SPA17: variants seen among roughly 807,000 people sequenced by gnomAD.
SPA17 encodes sperm autoantigenic protein 17.
A neutral mutation model predicts 13.8 loss-of-function variants in SPA17; 7 were observed. The observed-to-expected ratio is 0.51, with a 90% CI of 0.29 to 0.95. The LOEUF (loss-of-function observed/expected upper bound fraction) is 0.95. Ranked by LOEUF, SPA17 falls within the 40% of genes least tolerant of loss-of-function variation. SPA17 has a pLI of 0.08. For missense variants in SPA17, 170 were observed against 179.3 expected (o/e 0.95, Z 0.30); for synonymous variants, 61 against 59.0 (o/e 1.03, Z -0.16).
intron 3 of SPA17, among the ~76,000 whole-genome samples, chr11:124,689,167 A>G (rs2134417186): frequency 6.6e-6 from 1 of 152,336 alleles, no homozygotes; most frequent in Non-Finnish European, 1.5e-5. Context: ...TCAACCCATC[A>G]TGGATTAAAG....
At chr11:124,691,603 TTAAAG>T (rs1943623680) in intron 3 of SPA17, 88 bp from the exon 4 acceptor site, 6 of 600,144 alleles carry the variant, frequency 1.0e-5, no homozygotes, top group Non-Finnish European at 1.6e-5. Context: ...TCTCAGTAAT[TTAAAG>T]TAATGTTTCA....
At chr11:124,681,246 C>T (rs147388374) in intron 2 of SPA17, 143 bp from the exon 3 acceptor site, 11,494 of 440,642 alleles carry the variant, frequency 0.026, 221 homozygotes, top group Non-Finnish European at 0.034. Flanking sequence ...TGCAGTGCTA[C>T]GCTATGCACA....
Position 124,681,496 on chromosome 11 carries a change from TTCTC to T in SPA17, c.225+41_225+44del, listed in dbSNP as rs563490329. On this transcript the variant is annotated intron_variant, in intron 3 of 4. Transcript: ENST00000227135. Reference sequence around the variant, plus strand: ...TGAAGCTGTTGGATTTGGCTATTTCTTCTCTCTGTCTACAGCTAGCAATTATTAG... The same window carrying T: ...TGAAGCTGTTGGATTTGGCTATTTCTTCTGTCTACAGCTAGCAATTATTAG... 128 of 1,506,638 alleles carry T rather than the reference TTCTC, an allele frequency of 8.5e-5. 1 individual carries two copies. The African/African-American group carries it at 1.4e-3, about 16-fold the overall frequency. The allele number at this position is 1,506,638 out of a possible 1,614,324, so 93.3% of individuals were successfully genotyped here. A position where few individuals can be genotyped will look rare whatever the true frequency, so the allele number is the denominator to read the frequency against.
At chr11:124,674,174 A>C (rs1218062751) in intron 1 of SPA17, 2 of 168,366 alleles carry the variant, frequency 1.2e-5, no homozygotes, top group African/African-American at 2.5e-5. Flanking sequence ...ACATTGGTTC[A>C]GAATCTCGCC....
At chr11:124,683,763 A>C (rs1939167661) in intron 3 of SPA17, among the ~76,000 whole-genome samples, 1 of 152,156 alleles carries the variant, frequency 6.6e-6, no homozygotes, top group Non-Finnish European at 1.5e-5. Context: ...TAAAGGGATC[A>C]ATTCAGTAAG....
chr11:124,675,041 G>A, intron 1 of SPA17, 197 bp from the exon 2 acceptor site: 1 of 415,838 alleles, frequency 2.4e-6, no homozygotes, highest in Non-Finnish European at 4.2e-6. Context: ...TAGTGAATGG[G>A]TCTGTGTTTG....
chr11:124,691,138 T>C (rs565352408), intron 3 of SPA17, among the ~76,000 whole-genome samples: 1 of 152,180 alleles, frequency 6.6e-6, no homozygotes, highest in Non-Finnish European at 1.5e-5. Context: ...AGGTGTGAAT[T>C]AGCAATGAAG....
At chr11:124,684,266 A>ATTT (rs578226081) in intron 3 of SPA17, among the ~76,000 whole-genome samples, 3 of 146,850 alleles carry the variant, frequency 2.0e-5, no homozygotes, top group African/African-American at 5.0e-5. Flanking sequence ...TAATACAGTA[A>ATTT]TTTTTTTTTT....
At chr11:124,677,036 C>A (rs1345072158) in intron 2 of SPA17, among the ~76,000 whole-genome samples, 1 of 152,046 alleles carries the variant, frequency 6.6e-6, no homozygotes, top group Non-Finnish European at 1.5e-5. Flanking sequence ...CAGAAATATT[C>A]CATTATAAAA....
intron 3 of SPA17, among the ~76,000 whole-genome samples, chr11:124,685,506 G>C (rs1310747702): frequency 6.6e-6 from 1 of 152,230 alleles, no homozygotes; most frequent in African/African-American, 2.4e-5. Context: ...TGAGGTCGGA[G>C]CCCACACAGA....
At chr11:124,687,658 A>G (rs750593151) in intron 3 of SPA17, among the ~76,000 whole-genome samples, 3 of 152,236 alleles carry the variant, frequency 2.0e-5, no homozygotes, top group Non-Finnish European at 4.4e-5. Context: ...TATGCAAATC[A>G]ATAAATGTGA....
In SPA17 at chr11:124,673,939, C is replaced by A; in HGVS notation, c.-41C>A. 1 of 581,304 alleles carries A rather than the reference C, an allele frequency of 1.7e-6. No homozygotes were observed. The allele number at this position is 581,304 out of a possible 1,614,324, so 36.0% of individuals were successfully genotyped here. A position where few individuals can be genotyped will look rare whatever the true frequency, so the allele number is the denominator to read the frequency against. On this transcript the variant is annotated 5_prime_UTR_variant, in exon 1 of 5. Coordinates refer to ENST00000227135, the MANE Select transcript of SPA17 (RefSeq NM_017425.4). ...ACAACCGGAACCGGCGGCACCAGCT[C>A]GGAGAGAAAGGAGGTGAGGCCGCTT...
In SPA17 at chr11:124,694,942, T is replaced by C; in HGVS notation, c.*496T>C. 6.6e-6 allele frequency: 1 copy of C among 152,664 alleles called. No individual in the cohort carries two copies. The highest frequency in any genetic ancestry group is 1.5e-5 in the Non-Finnish European group (1 of 68,332). 9.5% of individuals were successfully genotyped at this position (152,664 alleles called of 1,614,324 possible). A position where few individuals can be genotyped will look rare whatever the true frequency, so the allele number is the denominator to read the frequency against. ...GGCCAACATGGTGAAACCCCATGTC[T>C]ACTAAAAGTACAAAAATTGGCCAGG... On this transcript the variant is annotated 3_prime_UTR_variant, in exon 5 of 5. Transcript: ENST00000227135.
chr11:124,692,559 G>A (rs969201853), intron 4 of SPA17, among the ~76,000 whole-genome samples: 2 of 151,938 alleles, frequency 1.3e-5, no homozygotes, highest in African/African-American at 2.4e-5. Context: ...CAGCCTGGGC[G>A]ACAGTACAAG....
chr11:124,695,453 A>G lies in SPA17; in HGVS notation c.*1007A>G, dbSNP rs1283636975. On this transcript the variant is annotated 3_prime_UTR_variant, in exon 5 of 5. Transcript: ENST00000227135. ...CTTTATCTCTTTTATGTTTTCAATGATTCATTCAAATCCCTAGTGCCTTAG... is the reference window on the plus strand; with the variant it reads ...CTTTATCTCTTTTATGTTTTCAATGGTTCATTCAAATCCCTAGTGCCTTAG... The G allele has an allele frequency of 6.6e-6, 1 of 152,148 alleles. No homozygotes were observed. The highest frequency in any genetic ancestry group is 6.5e-5 in the Admixed American group (1 of 15,280). 9.4% of individuals were successfully genotyped at this position (152,148 alleles called of 1,614,324 possible).
At chr11:124,684,489 T>C (rs1943558455) in intron 3 of SPA17, among the ~76,000 whole-genome samples, 1 of 152,130 alleles carries the variant, frequency 6.6e-6, no homozygotes, top group Non-Finnish European at 1.5e-5. Context: ...TGGCCTCAAG[T>C]GATCTACCCA....
At chr11:124,684,772 G>A (rs1440744241) in intron 3 of SPA17, among the ~76,000 whole-genome samples, 1 of 152,214 alleles carries the variant, frequency 6.6e-6, no homozygotes, top group African/African-American at 2.4e-5. Context: ...CCAGGCTAAG[G>A]TGGTCTAAGA....
chr11:124,679,135 CAA>C (rs1239970697), intron 2 of SPA17, among the ~76,000 whole-genome samples: 35 of 66,730 alleles, frequency 5.2e-4, no homozygotes, highest in Middle Eastern at 0.01. Flanking sequence ...GACTCTGTCT[CAA>C]AAAAAAAAAA....
At chr11:124,694,015 A>C (rs1943649308) in intron 4 of SPA17, among the ~76,000 whole-genome samples, 1 of 152,296 alleles carries the variant, frequency 6.6e-6, no homozygotes, top group South Asian at 2.1e-4. Flanking sequence ...CCCCCAAAAA[A>C]TGTTGTTGCT....
Sources: gnomAD v4.1 joint callset for allele counts (sites outside exome capture counted in the v4.1 genomes callset) on GRCh38, gnomAD v4.1.1 for gene constraint, MANE v1.5 for transcripts, NCBI Gene and HGNC (gene_info 2026-07-23, HGNC 2026-07-21) for gene names.